PNMA6E: variants seen among roughly 807,000 people sequenced by gnomAD.
The protein encoded by PNMA6E is PNMA family member 6E.
For synonymous variants in PNMA6E, 43 were observed against 17.1 expected, an observed-to-expected ratio of 2.52 and a Z score of -3.74; for missense variants, 78 against 50.8, an observed-to-expected ratio of 1.53 and a Z score of -1.63.
chrX:153,411,865 G>A, the PNMA6E span, among the ~76,000 whole-genome samples: 1 of 77,368 alleles, frequency 1.3e-5, no homozygotes, highest in Non-Finnish European at 2.5e-5. Context: ...CAGCCCTCGG[G>A]GCCGCCCCGT....
the PNMA6E span, among the ~76,000 whole-genome samples, chrX:153,408,147 A>T: frequency 8.9e-6 from 1 of 112,788 alleles, no homozygotes; most frequent in Non-Finnish European, 1.9e-5. Flanking sequence ...CCGTCCTGGG[A>T]GGGACAGTGA....
rs1436718676 is a variant in PNMA6E at position 153,395,916 on chromosome X, C to T, written c.*990G>A. 2.7e-5 allele frequency: 3 copies of T among 111,974 alleles called. No individual in the cohort carries two copies. The highest frequency in any genetic ancestry group is 9.4e-5 in the Admixed American group (1 of 10,678). 9.2% of individuals were successfully genotyped at this position (111,974 alleles called of 1,213,427 possible). A position where few individuals can be genotyped will look rare whatever the true frequency, so the allele number is the denominator to read the frequency against. On this transcript the variant is annotated 3_prime_UTR_variant, in exon 2 of 2. Transcript: ENST00000445091. ...GCTTCAGGGAGCCCCCTCCTGAGCCCATCCCTATGGCCTTCACAGGACAGT... is the reference window on the plus strand; with the variant it reads ...GCTTCAGGGAGCCCCCTCCTGAGCCTATCCCTATGGCCTTCACAGGACAGT...
At chrX:153,410,509 C>A in the PNMA6E span, among the ~76,000 whole-genome samples, 1 of 111,744 alleles carries the variant, frequency 8.9e-6, no homozygotes, top group African/African-American at 3.3e-5. Flanking sequence ...GGCTCCGAAG[C>A]TCTCCCTGCA....
Position 153,397,721 on chromosome X carries a change from C to T in PNMA6E, c.1129G>A (p.Gly377Ser). The stretch of plus-strand genomic sequence containing the variant: ...AAGTTGGTATCTTCCTCCAGGAGGC[C>T]GCTCACGACTTCCAGGGCCGGGCCG... ...LGGPALEVVS[G>S]LLEEDTNLSA... The change falls in exon 2 of 2, where the codon GGC becomes AGC. Residue 377 changes from glycine to serine, a missense_variant. Coordinates refer to ENST00000445091, the MANE Select transcript of PNMA6E (RefSeq NM_001367770.1). 1 of 306,686 alleles carries T rather than the reference C, an allele frequency of 3.3e-6. No individual in the cohort carries two copies. The allele number at this position is 306,686 out of a possible 1,213,427, so 25.3% of individuals were successfully genotyped here.
chrX:153,413,452 G>A, the PNMA6E span, among the ~76,000 whole-genome samples: 26 of 108,149 alleles, frequency 2.4e-4, no homozygotes, highest in South Asian at 4.2e-4. Context: ...CAGGGGTCCC[G>A]GGTCCGAGGC....
the PNMA6E span, among the ~76,000 whole-genome samples, chrX:153,413,767 G>A: frequency 1.8e-5 from 2 of 112,118 alleles, no homozygotes; most frequent in Non-Finnish European, 3.8e-5. Flanking sequence ...TGCCCACCTG[G>A]GTGTTATTTG....
intron 1 of PNMA6E, among the ~76,000 whole-genome samples, chrX:153,400,708 G>A (rs782800714): frequency 4.6e-5 from 5 of 109,074 alleles, no homozygotes; most frequent in South Asian, 4.0e-4. Flanking sequence ...GCCAGGGGCC[G>A]TCCCCTCTCG....
At chrX:153,401,025 C>T (rs2088846992) in intron 1 of PNMA6E, among the ~76,000 whole-genome samples, 1 of 110,434 alleles carries the variant, frequency 9.1e-6, no homozygotes, top group Non-Finnish European at 1.9e-5. Context: ...ACCGCCCTCC[C>T]GAGGGGGCCT....
chrX:153,400,447 C>G (rs192005190), intron 1 of PNMA6E, among the ~76,000 whole-genome samples: 2 of 112,161 alleles, frequency 1.8e-5, no homozygotes, highest in Non-Finnish European at 3.8e-5. Flanking sequence ...CCACACTGGG[C>G]GCCCCCTAAA....
chrX:153,407,163 C>G, the PNMA6E span, among the ~76,000 whole-genome samples: 1 of 112,872 alleles, frequency 8.9e-6, no homozygotes, highest in Non-Finnish European at 1.9e-5. Context: ...AGAGGCCAGG[C>G]ACAGCCACGC....
chrX:153,400,831 C>T (rs1441398902), intron 1 of PNMA6E, among the ~76,000 whole-genome samples: 2 of 104,089 alleles, frequency 1.9e-5, no homozygotes, highest in African/African-American at 3.5e-5. Flanking sequence ...CCAGGGAGCC[C>T]CCTCCCGACC....
the PNMA6E span, among the ~76,000 whole-genome samples, chrX:153,412,487 C>T: frequency 1.8e-4 from 20 of 112,592 alleles, no homozygotes; most frequent in African/African-American, 6.5e-4. Context: ...TTAGTAATTA[C>T]AGAGTCTGTT....
chrX:153,405,330 G>A (rs1054769775), upstream of PNMA6E, among the ~76,000 whole-genome samples: 1 of 111,960 alleles, frequency 8.9e-6, no homozygotes, highest in Non-Finnish European at 1.9e-5. Context: ...TGAAGAATAC[G>A]TCCACAAACT....
At chrX:153,411,918 G>A in the PNMA6E span, among the ~76,000 whole-genome samples, 1 of 112,752 alleles carries the variant, frequency 8.9e-6, no homozygotes, top group South Asian at 3.6e-4. Context: ...CTGGGCGCTG[G>A]GAGCTGCGGC....
chrX:153,399,442 C>T (rs1354999853), intron 1 of PNMA6E, among the ~76,000 whole-genome samples: 1 of 110,871 alleles, frequency 9.0e-6, no homozygotes, highest in Admixed American at 9.6e-5. Context: ...ACCCCCTGAG[C>T]TCAAGCGATC....
upstream of PNMA6E, among the ~76,000 whole-genome samples, chrX:153,402,338 A>G (rs2088857730): frequency 9.0e-6 from 1 of 111,656 alleles, no homozygotes. Context: ...CTTTTCAGCA[A>G]TAACATTTTG....
chrX:153,399,396 A>AGTGC (rs782216151), intron 1 of PNMA6E, among the ~76,000 whole-genome samples: 21 of 110,164 alleles, frequency 1.9e-4, no homozygotes, highest in Non-Finnish European at 3.4e-4. Context: ...CCCAGGCTGG[A>AGTGC]GTGCAGCAGC....
chrX:153,402,358 C>A (rs1342921064), upstream of PNMA6E, among the ~76,000 whole-genome samples: 1 of 111,361 alleles, frequency 9.0e-6, no homozygotes, highest in Non-Finnish European at 1.9e-5. Flanking sequence ...GCATTGTTTT[C>A]TAGTGGTTGC....
the PNMA6E span, among the ~76,000 whole-genome samples, chrX:153,407,059 G>A: frequency 8.9e-6 from 1 of 112,651 alleles, no homozygotes; most frequent in African/African-American, 3.2e-5. Context: ...CTCAGTTTTG[G>A]ATGTGTGCAT....
Sources: gnomAD v4.1 joint callset for allele counts (sites outside exome capture counted in the v4.1 genomes callset) on GRCh38, gnomAD v4.1.1 for gene constraint, MANE v1.5 for transcripts, NCBI Gene and HGNC (gene_info 2026-07-23, HGNC 2026-07-21) for gene names.